The following ZNF740 variants were observed in gnomAD, a reference collection of about 807,000 sequenced individuals.
ZNF740 encodes the protein oriLyt TD-element-binding protein 7.
Under a neutral mutation model 24.8 loss-of-function variants are expected in ZNF740, and 14 were observed. The ratio of observed to expected loss-of-function variants is 0.56; its 90% CI spans 0.37 to 0.88. The LOEUF (loss-of-function observed/expected upper bound fraction) is 0.88. Among genes scored for constraint, ZNF740 ranks in the 40% least tolerant of loss-of-function variants. The pLI, the probability that ZNF740 is intolerant of heterozygous loss-of-function variation, is 0.00. For missense variants in ZNF740, 201 were observed against 247.9 expected, an observed-to-expected ratio of 0.81 and a Z score of 1.27; for synonymous variants, 69 against 84.0, an observed-to-expected ratio of 0.82 and a Z score of 0.98.
chr12:53,182,972 C>A (rs753758756), intron 2 of ZNF740, among the ~76,000 whole-genome samples: 2 of 152,220 alleles, frequency 1.3e-5, no homozygotes, highest in Non-Finnish European at 2.9e-5. Flanking sequence ...TATGTGCACA[C>A]ATCTCCAGAG....
rs202075038 is a variant in ZNF740, at chr12:53,192,848, C to G, written c.*5258C>G. ...CAACTGTCCATGTCCCCACTGCATT[C>G]GCATGCTCTGCCCGTGCGGTTGGCA... On this transcript the variant is annotated 3_prime_UTR_variant, in exon 7 of 7. Transcript: ENST00000416904. 5.0e-6 allele frequency: 8 copies of G among 1,614,098 alleles called. No individual in the cohort carries two copies. Among genetic ancestry groups the G allele is most frequent in the African/African-American group, 1.3e-5 (1 of 74,936 alleles).
intron 6 of ZNF740, 34 bp from the exon 7 acceptor site, chr12:53,187,463 TTGTC>T (rs1384318283): frequency 1.3e-6 from 2 of 1,579,772 alleles, no homozygotes; most frequent in South Asian, 1.1e-5. Context: ...GTAGCTGCGT[TTGTC>T]TGCTCAGGCA....
In ZNF740 at chr12:53,187,645, C is replaced by A. The variant is rs143139854; in HGVS notation, c.*55C>A. On this transcript the variant is annotated 3_prime_UTR_variant, in exon 7 of 7. Transcript: ENST00000416904. ...TCAGAAGAACCTGCCGAAGAGCACA[C>A]CCCCTCTGGTCTGATGGTCCCACCA... 7 of 1,433,750 alleles carry A rather than the reference C, an allele frequency of 4.9e-6. No individual in the cohort carries two copies. Among genetic ancestry groups the A allele is most frequent in the Non-Finnish European group, 6.8e-6 (7 of 1,022,648 alleles). 88.8% of individuals were successfully genotyped at this position (1,433,750 alleles called of 1,614,324 possible).
intron 2 of ZNF740, among the ~76,000 whole-genome samples, chr12:53,184,211 G>A (rs1009134830): frequency 2.0e-5 from 3 of 147,566 alleles, no homozygotes; most frequent in African/African-American, 5.0e-5. Flanking sequence ...GAGTGACGGA[G>A]GGATTCTCGC....
At position 53,191,707 on chromosome 12, in the gene ZNF740, C is replaced by T; in HGVS notation, c.*4117C>T. ...TCGTCCCCTTTCTAGACCTAAGAGG[C>T]CAGCCTTGAGCCGAATCCTAGGAGC... is the stretch of plus-strand genomic sequence containing the variant. On this transcript the variant is annotated 3_prime_UTR_variant, in exon 7 of 7. Coordinates refer to ENST00000416904, the MANE Select transcript of ZNF740 (RefSeq NM_001004304.4). The T allele has an allele frequency of 6.5e-7, 1 of 1,542,462 alleles. No homozygotes were observed. The highest frequency in any genetic ancestry group is 9.0e-7 in the Non-Finnish European group (1 of 1,115,424).
In ZNF740 at chr12:53,193,986, C is replaced by T. The variant is rs1320441925; in HGVS notation, c.*6396C>T. 5 of 1,398,900 alleles carry T rather than the reference C, an allele frequency of 3.6e-6. No homozygotes were observed. In the Admixed American group the frequency reaches 8.3e-5, roughly 23 times the overall value. 86.7% of individuals were successfully genotyped at this position (1,398,900 alleles called of 1,614,324 possible). A position where few individuals can be genotyped will look rare whatever the true frequency, so the allele number is the denominator to read the frequency against. On this transcript the variant is annotated 3_prime_UTR_variant, in exon 7 of 7. Coordinates refer to ENST00000416904, the MANE Select transcript of ZNF740 (RefSeq NM_001004304.4). ...TCACCAATCATCCAGAACCTCACCC[C>T]TTAGTAAATGAAGGGATGGGGTCAT...
At position 53,192,915 on chromosome 12, in the gene ZNF740, G is replaced by A. The variant is rs1253625051; in HGVS notation, c.*5325G>A. 1.9e-6 allele frequency: 3 copies of A among 1,613,344 alleles called. No individual in the cohort carries two copies. The highest frequency in any genetic ancestry group is 2.7e-5 in the African/African-American group (2 of 74,918). ...CACATTGGCAGCGACCAAAGCCTGG[G>A]GTAGAGCCATGCAGAGGGTGACAAC... On this transcript the variant is annotated 3_prime_UTR_variant, in exon 7 of 7. Coordinates refer to ENST00000416904, the MANE Select transcript of ZNF740 (RefSeq NM_001004304.4).
rs756365900 is a variant in ZNF740, at chr12:53,185,435, A to G, written c.208A>G (p.Ser70Gly). 7 of 1,614,020 alleles carry G rather than the reference A, an allele frequency of 4.3e-6. No homozygotes were observed. Among genetic ancestry groups the G allele is most frequent in the Non-Finnish European group, 5.1e-6 (6 of 1,179,900 alleles). ...GTCCCGGAGCCGCAAAGATGATGAC[A>G]GCTTGTCTGAGGCCTCTCATTCAAA... ...DKSRSRKDDD[S>G]LSEASHSKKT... is the part of the protein sequence containing the mutation. The change falls in exon 4 of 7, where the codon AGC (serine) becomes GGC (glycine). Residue 70 changes from serine to glycine, a missense_variant. This residue lies in a region of ZNF740 where 117 missense variants were observed against 122.3 expected (regional missense o/e 0.96). Coordinates refer to ENST00000416904, the MANE Select transcript of ZNF740 (RefSeq NM_001004304.4).
At chr12:53,181,074 C>T (rs1342353427) in intron 1 of ZNF740, among the ~76,000 whole-genome samples, 1 of 152,086 alleles carries the variant, frequency 6.6e-6, no homozygotes, top group African/African-American at 2.4e-5. Context: ...GACGCGGGCG[C>T]GAGCACGCAT....
At chr12:53,184,052 G>A (rs904534222) in intron 2 of ZNF740, among the ~76,000 whole-genome samples, 46 of 151,324 alleles carry the variant, frequency 3.0e-4, no homozygotes, top group Middle Eastern at 3.4e-3. Flanking sequence ...GAAACAAACC[G>A]ATAGAAAATA....
chr12:53,184,973 T>C lies in ZNF740; in HGVS notation c.92T>C (p.Ile31Thr). 1 of 1,614,020 alleles carries C rather than the reference T, an allele frequency of 6.2e-7. No homozygotes were observed. Among genetic ancestry groups the C allele is most frequent in the Middle Eastern group, 1.6e-4 (1 of 6,062 alleles). The change falls in exon 3 of 7, where the codon ATT becomes ACT. Residue 31 changes from isoleucine to threonine, a missense_variant. Around this residue, in one of 3 missense-constraint regions of ZNF740, gnomAD observed 117 missense variants for 122.3 expected, o/e 0.96. Transcript: ENST00000416904. ...AASKKMMLSQ[I>T]ASKQAENGER... ...AGCAAGAAGATGATGCTGAGCCAGATTGCCAGCAAGCAGGCCGAGAATGGC... is the reference window on the plus strand; with the variant it reads ...AGCAAGAAGATGATGCTGAGCCAGACTGCCAGCAAGCAGGCCGAGAATGGC...
At chr12:53,184,148 T>TGTGTGTGTGTGTGTGTGTGC (rs1555175893) in intron 2 of ZNF740, among the ~76,000 whole-genome samples, 1 of 100,296 alleles carries the variant, frequency 1.0e-5, no homozygotes, top group South Asian at 3.1e-4. Flanking sequence ...TGTGTGTGTG[T>TGTGTGTGTGTGTGTGTGTGC]GTGCGCGCGC....
chr12:53,192,288 C>T lies in ZNF740; in HGVS notation c.*4698C>T. On this transcript the variant is annotated 3_prime_UTR_variant, in exon 7 of 7. Coordinates refer to ENST00000416904, the MANE Select transcript of ZNF740 (RefSeq NM_001004304.4). ...CTGCATCCCCAGAGTTGAGACCCTGCCCATCAAACTTCCAGGGTTTGTGGC... is the reference window on the plus strand; with the variant it reads ...CTGCATCCCCAGAGTTGAGACCCTGTCCATCAAACTTCCAGGGTTTGTGGC... 1.3e-6 allele frequency: 2 copies of T among 1,582,514 alleles called. No homozygotes were observed. Among genetic ancestry groups the T allele is most frequent in the African/African-American group, 1.3e-5 (1 of 74,386 alleles).
chr12:53,187,970 GT>G lies in ZNF740; in HGVS notation c.*385del. 4.6e-6 allele frequency: 1 copy of G among 216,306 alleles called. No homozygotes were observed. The highest frequency in any genetic ancestry group is 9.4e-6 in the Non-Finnish European group (1 of 106,380). The allele number at this position is 216,306 out of a possible 1,614,324, so 13.4% of individuals were successfully genotyped here. Reference sequence around the variant, plus strand: ...AAGGGGATTTGTTTGTTCTGTTCTTGTTTTTGTTTATCCAAAAGCAACTTCA... The same window carrying G: ...AAGGGGATTTGTTTGTTCTGTTCTTGTTTTGTTTATCCAAAAGCAACTTCA... On this transcript the variant is annotated 3_prime_UTR_variant, in exon 7 of 7. Coordinates refer to ENST00000416904, the MANE Select transcript of ZNF740 (RefSeq NM_001004304.4).
At position 53,191,990 on chromosome 12, in the gene ZNF740, G is replaced by C. The variant is rs1315060101; in HGVS notation, c.*4400G>C. ...GCCACGATGCCCCCTACGCAGCCCA[G>C]CACAATGGCCTGCGTGTGGTCTGCT... On this transcript the variant is annotated 3_prime_UTR_variant, in exon 7 of 7. Transcript: ENST00000416904. 1 of 1,612,776 alleles carries C rather than the reference G, an allele frequency of 6.2e-7. No individual in the cohort carries two copies. The highest frequency in any genetic ancestry group is 1.3e-5 in the African/African-American group (1 of 74,850).
chr12:53,192,162 G>T lies in ZNF740; in HGVS notation c.*4572G>T. 1.6e-6 allele frequency: 2 copies of T among 1,212,488 alleles called. No individual in the cohort carries two copies. Among genetic ancestry groups the T allele is most frequent in the East Asian group, 2.5e-5 (1 of 39,744 alleles). The allele number at this position is 1,212,488 out of a possible 1,614,324, so 75.1% of individuals were successfully genotyped here. A position where few individuals can be genotyped will look rare whatever the true frequency, so the allele number is the denominator to read the frequency against. On this transcript the variant is annotated 3_prime_UTR_variant, in exon 7 of 7. Coordinates refer to ENST00000416904, the MANE Select transcript of ZNF740 (RefSeq NM_001004304.4). Reference sequence around the variant, plus strand: ...AGGGAGGTCCAAGGTTATCCTCACCGCCCAGGGCCTTAGCCTCGTCCACTT... The same window carrying T: ...AGGGAGGTCCAAGGTTATCCTCACCTCCCAGGGCCTTAGCCTCGTCCACTT...
chr12:53,184,618 C>G (rs1941787869), intron 2 of ZNF740, among the ~76,000 whole-genome samples: 1 of 152,196 alleles, frequency 6.6e-6, no homozygotes, highest in African/African-American at 2.4e-5. Context: ...TATGTAGCCA[C>G]ACACTGCCTA....
rs1363679573 is a variant in ZNF740, at chr12:53,189,914, T to G, written c.*2324T>G. On this transcript the variant is annotated 3_prime_UTR_variant, in exon 7 of 7. Transcript: ENST00000416904. ...AGTCTCTTTGGGATAGGGGTGTATG[T>G]GGAGAGATTCATGTAAGTCTCACAT... 1.3e-5 allele frequency: 2 copies of G among 151,678 alleles called. No homozygotes were observed. The highest frequency in any genetic ancestry group is 2.4e-5 in the African/African-American group (1 of 41,306). 9.4% of individuals were successfully genotyped at this position (151,678 alleles called of 1,614,324 possible). A position where few individuals can be genotyped will look rare whatever the true frequency, so the allele number is the denominator to read the frequency against.
chr12:53,187,287 C>G (rs1379928288), intron 6 of ZNF740, among the ~76,000 whole-genome samples: 1 of 152,114 alleles, frequency 6.6e-6, no homozygotes, highest in East Asian at 1.9e-4. Context: ...GGTAACTTGC[C>G]CAAGGTCACA....
Sources: allele counts gnomAD v4.1 joint callset (sites outside exome capture counted in the v4.1 genomes callset), GRCh38; gene constraint gnomAD v4.1.1; regional missense constraint gnomAD v4.1.1; transcripts MANE v1.5; gene names NCBI Gene and HGNC (gene_info 2026-07-23, HGNC 2026-07-21).